Variants in ARHGAP35 observed in about 807,000 individuals in gnomAD.
ARHGAP35 encodes the protein Rho GTPase activating protein 35.
ARHGAP35 carries 15 observed loss-of-function variants against 111.1 expected under a neutral mutation model. That is an observed-to-expected ratio of 0.13 (90% CI 0.09 to 0.21). ARHGAP35 has a LOEUF of 0.21. Ranked by LOEUF, ARHGAP35 falls within the 10% of genes least tolerant of loss-of-function variation. ARHGAP35 has a pLI of 1.00. For missense variants in ARHGAP35, 1,262 were observed against 1,873.0 expected (o/e 0.67, Z 6.02); for synonymous variants, 643 against 710.3 (o/e 0.91, Z 1.51).
rs111574966 is a variant in ARHGAP35, at chr19:46,867,046, A to G, written c.-189+5837A>G. On this transcript the variant is annotated intron_variant, in intron 1 of 6. Coordinates refer to ENST00000672722, the MANE Select transcript of ARHGAP35 (RefSeq NM_004491.5). ...AGTGCTTTATCAGGCTTCATCTATA[A>G]AGAATTCTTGAAGATAACTTTTGGC... 3.1e-3 allele frequency among the ~76,000 whole-genome samples: 469 copies of G among 152,300 alleles called. 5 individuals carry two copies. Among genetic ancestry groups the G allele is most frequent in the African/African-American group, 0.011 (447 of 41,560 alleles).
At chr19:46,891,560 G>A (rs1265940794) in intron 1 of ARHGAP35, among the ~76,000 whole-genome samples, 1 of 151,888 alleles carries the variant, frequency 6.6e-6, no homozygotes, top group African/African-American at 2.4e-5. Flanking sequence ...CCAAGTAGCT[G>A]GGACTACAGG....
At chr19:46,874,810 CTTTTTTTTTT>C (rs537873271) in intron 1 of ARHGAP35, among the ~76,000 whole-genome samples, 4 of 88,206 alleles carry the variant, frequency 4.5e-5, no homozygotes, top group African/African-American at 1.9e-4. Context: ...CAGTTTTGTC[CTTTTTTTTTT>C]TTTTTTTTTG....
chr19:46,921,527 C>G lies in ARHGAP35; in HGVS notation c.2852C>G (p.Thr951Ser), dbSNP rs750290074. 2.5e-6 allele frequency: 4 copies of G among 1,613,890 alleles called. No homozygotes were observed. In the African/African-American group the frequency reaches 5.3e-5, roughly 22 times the overall value. The change falls in exon 2 of 7, where the codon ACT (threonine) becomes AGT (serine). Residue 951 changes from threonine (T) to serine (S), a missense_variant. Physicochemically the swap from Thr to Ser is moderately conservative, Grantham distance 58. This residue lies in a region of ARHGAP35 where 579 missense variants were observed against 716.9 expected (regional missense o/e 0.81). Coordinates refer to ENST00000672722, the MANE Select transcript of ARHGAP35 (RefSeq NM_004491.5). The surrounding 1 kb of genome is among the most constrained non-coding windows in gnomAD (Gnocchi z 4.3). Reference protein sequence around the residue: ...VVEKKNIIEATHMYDNAAEAC... With the variant: ...VVEKKNIIEASHMYDNAAEAC... ...GAAAAAAAGAACATAATCGAGGCTA[C>G]TCATATGTACGATAATGCTGCCGAG...
At chr19:46,927,662 C>T (rs1219755159) in intron 2 of ARHGAP35, among the ~76,000 whole-genome samples, 1 of 152,168 alleles carries the variant, frequency 6.6e-6, no homozygotes, top group Admixed American at 6.5e-5. Flanking sequence ...GTGCCAGGTA[C>T]GTGTCAGGCA....
At chr19:46,884,815 C>CT in intron 1 of ARHGAP35, among the ~76,000 whole-genome samples, 1 of 152,260 alleles carries the variant, frequency 6.6e-6, no homozygotes, top group South Asian at 2.1e-4. Context: ...ACAGCCTCGA[C>CT]TTTCTGGGCT....
intron 1 of ARHGAP35, among the ~76,000 whole-genome samples, chr19:46,902,544 T>C (rs1247453615): frequency 6.6e-6 from 1 of 152,132 alleles, no homozygotes; most frequent in Non-Finnish European, 1.5e-5. Context: ...CCGGCTGCCT[T>C]ACTGGTATGG....
intron 3 of ARHGAP35, among the ~76,000 whole-genome samples, chr19:46,981,192 C>T (rs1396089264): frequency 6.6e-6 from 1 of 152,226 alleles, no homozygotes; most frequent in South Asian, 2.1e-4. Flanking sequence ...AGCACCCCTC[C>T]GGCCTTGCAG....
intron 1 of ARHGAP35, among the ~76,000 whole-genome samples, chr19:46,895,165 CT>C (rs942875389): frequency 0.02 from 2,772 of 136,498 alleles, 38 homozygotes; most frequent in Non-Finnish European, 0.033. Flanking sequence ...AGGGCAAAAT[CT>C]TTTTTTTTTT....
At chr19:46,957,406 G>T (rs2056446006) in intron 3 of ARHGAP35, among the ~76,000 whole-genome samples, 1 of 152,062 alleles carries the variant, frequency 6.6e-6, no homozygotes, top group Non-Finnish European at 1.5e-5. Context: ...TAGAGCCCAG[G>T]AGTTTGAGAC....
chr19:46,983,333 G>C (rs1194743221), intron 3 of ARHGAP35, among the ~76,000 whole-genome samples: 1 of 152,152 alleles, frequency 6.6e-6, no homozygotes, highest in Non-Finnish European at 1.5e-5. Flanking sequence ...ATAATCACCA[G>C]TCTGGAGGGG....
intron 1 of ARHGAP35, among the ~76,000 whole-genome samples, chr19:46,871,955 G>A (rs1188272481): frequency 6.6e-6 from 1 of 152,038 alleles, no homozygotes; most frequent in Non-Finnish European, 1.5e-5. Flanking sequence ...ACTCCAGCAT[G>A]GGTGACAGAG....
At chr19:46,955,512 C>T (rs145369563) in intron 3 of ARHGAP35, among the ~76,000 whole-genome samples, 54 of 152,298 alleles carry the variant, frequency 3.5e-4, no homozygotes, top group African/African-American at 1.3e-3. Context: ...CAGTACCTTC[C>T]TAATTTTAGC....
chr19:46,866,379 C>T (rs2055857189), intron 1 of ARHGAP35, among the ~76,000 whole-genome samples: 1 of 152,184 alleles, frequency 6.6e-6, no homozygotes. Context: ...GGAAGGCTGG[C>T]ATAGGGCATT....
intron 1 of ARHGAP35, among the ~76,000 whole-genome samples, chr19:46,889,925 G>A (rs1439751251): frequency 2.0e-5 from 3 of 152,172 alleles, no homozygotes; most frequent in African/African-American, 7.2e-5. Flanking sequence ...TCTAAGCAAA[G>A]GTTATAGGAA....
chr19:46,961,450 T>G lies in ARHGAP35; in HGVS notation c.3826+24042T>G, dbSNP rs191103199. 3.3e-5 allele frequency among the ~76,000 whole-genome samples: 5 copies of G among 152,272 alleles called. No homozygotes were observed. The East Asian group carries it at 7.7e-4, about 23-fold the overall frequency. On this transcript the variant is annotated intron_variant, in intron 3 of 6. Transcript: ENST00000672722. ...TATAGCACCTCCATCAGCTGTATAT[T>G]AGGGTAGTGGTAAAATGGTAATATG...
At chr19:46,940,854 C>T (rs1254417373) in intron 3 of ARHGAP35, among the ~76,000 whole-genome samples, 1 of 152,180 alleles carries the variant, frequency 6.6e-6, no homozygotes, top group Non-Finnish European at 1.5e-5. Context: ...GCTCTGTCCC[C>T]TCCACTTCAT....
At chr19:46,897,060 ATTT>A (rs61692635) in intron 1 of ARHGAP35, among the ~76,000 whole-genome samples, 3 of 133,640 alleles carry the variant, frequency 2.2e-5, no homozygotes, top group Non-Finnish European at 1.6e-5. Context: ...CACCTGGCTA[ATTT>A]TTTTTTTTTT....
At chr19:46,910,046 CTG>C (rs561024171) in intron 1 of ARHGAP35, among the ~76,000 whole-genome samples, 1 of 152,164 alleles carries the variant, frequency 6.6e-6, no homozygotes, top group Non-Finnish European at 1.5e-5. Flanking sequence ...ACTCCTTAGA[CTG>C]TGTTAATTTG....
chr19:46,956,483 G>A (rs1166277242), intron 3 of ARHGAP35, among the ~76,000 whole-genome samples: 8 of 149,624 alleles, frequency 5.3e-5, no homozygotes, highest in Admixed American at 1.3e-4. Flanking sequence ...GCAATGGCAC[G>A]GTCTCAGCTC....
Sources: allele counts gnomAD v4.1 joint callset (sites outside exome capture counted in the v4.1 genomes callset), GRCh38; gene constraint gnomAD v4.1.1; regional missense constraint gnomAD v4.1.1; non-coding constraint Gnocchi (gnomAD v3.1); transcripts MANE v1.5; gene names NCBI Gene and HGNC (gene_info 2026-07-23, HGNC 2026-07-21).